LIMK2: variants seen among roughly 807,000 people sequenced by gnomAD.
LIMK2 encodes LIM domain kinase 2.
A neutral mutation model predicts 75.7 loss-of-function variants in LIMK2; 35 were observed. The ratio of observed to expected loss-of-function variants is 0.46; its 90% CI spans 0.35 to 0.61. LIMK2 has a LOEUF of 0.61. Among genes scored for constraint, LIMK2 ranks in the 20% least tolerant of loss-of-function variants. LIMK2 has a pLI of 0.00. For missense variants in LIMK2, 623 were observed against 831.0 expected, an observed-to-expected ratio of 0.75 and a Z score of 3.08; for synonymous variants, 301 against 319.2, an observed-to-expected ratio of 0.94 and a Z score of 0.61.
intron 1 of LIMK2, among the ~76,000 whole-genome samples, chr22:31,214,323 T>C (rs760845244): frequency 1.1e-4 from 16 of 152,336 alleles, no homozygotes; most frequent in Admixed American, 2.6e-4. Flanking sequence ...CTGAGTACAG[T>C]GGTGACATAG....
intron 2 of LIMK2, among the ~76,000 whole-genome samples, chr22:31,255,940 T>C (rs1180840420): frequency 7.0e-6 from 1 of 141,850 alleles, no homozygotes; most frequent in Non-Finnish European, 1.5e-5. Flanking sequence ...TCATCTTTAA[T>C]AGAAGTTAAC....
chr22:31,259,647 C>T (rs548432278), intron 4 of LIMK2, among the ~76,000 whole-genome samples: 1 of 152,248 alleles, frequency 6.6e-6, no homozygotes, highest in East Asian at 1.9e-4. Context: ...GACCATCTCA[C>T]CCCAACCCAG....
intron 2 of LIMK2, among the ~76,000 whole-genome samples, chr22:31,227,456 A>G (rs5997919): frequency 0.38 from 58,558 of 152,170 alleles, 13,041 homozygotes; most frequent in Middle Eastern, 0.56. Context: ...TTGGAAAGCA[A>G]CCATCATTAT....
At position 31,212,382 on chromosome 22, in the gene LIMK2, C is replaced by A; in HGVS notation, c.-27C>A. On this transcript the variant is annotated 5_prime_UTR_variant, in exon 1 of 16. Transcript: ENST00000331728. ...GGAGCTGCTGTGTCCCCCGCCTCCT[C>A]CTCCCCATTTCCGCGCTCCCGGGAC... is the stretch of plus-strand genomic sequence containing the variant. 1 of 1,338,228 alleles carries A rather than the reference C, an allele frequency of 7.5e-7. No individual in the cohort carries two copies. Among genetic ancestry groups the A allele is most frequent in the Non-Finnish European group, 9.7e-7 (1 of 1,034,684 alleles). 82.9% of individuals were successfully genotyped at this position (1,338,228 alleles called of 1,614,324 possible). A position where few individuals can be genotyped will look rare whatever the true frequency, so the allele number is the denominator to read the frequency against.
intron 2 of LIMK2, among the ~76,000 whole-genome samples, chr22:31,250,279 A>G (rs950003711): frequency 6.6e-6 from 1 of 152,186 alleles, no homozygotes; most frequent in Non-Finnish European, 1.5e-5. Context: ...AATCCTGGGA[A>G]GGCAGCTTAG....
rs769633153 is a variant in LIMK2 at position 31,272,721 on chromosome 22, T to C, written c.1558+17T>C. 4 of 1,571,384 alleles carry C rather than the reference T, an allele frequency of 2.5e-6. No individual in the cohort carries two copies. The highest frequency in any genetic ancestry group is 1.9e-5 in the Admixed American group (1 of 52,922). On this transcript the variant is annotated intron_variant, in intron 13 of 15. Transcript: ENST00000331728. ...TGCTGAACGGTGAGTCCTGAAGCCC[T>C]GGAGGGGACACCCGCAGAGGGAGGA...
At chr22:31,217,080 C>T (rs1040858907) in intron 1 of LIMK2, among the ~76,000 whole-genome samples, 1 of 151,832 alleles carries the variant, frequency 6.6e-6, no homozygotes, top group African/African-American at 2.4e-5. Context: ...TTGTTTTGTC[C>T]AGGAAAGAAA....
intron 9 of LIMK2, 83 bp from the exon 10 acceptor site, chr22:31,267,693 T>G (rs2048909925): frequency 1.4e-6 from 2 of 1,471,970 alleles, no homozygotes; most frequent in Non-Finnish European, 1.8e-6. Context: ...GTAACACTTG[T>G]CAAGCTGATT....
At chr22:31,231,447 T>C (rs1383410416) in intron 2 of LIMK2, among the ~76,000 whole-genome samples, 6 of 152,190 alleles carry the variant, frequency 3.9e-5, no homozygotes, top group Non-Finnish European at 8.8e-5. Context: ...TTTGTCCAGT[T>C]TATCTTTTAG....
At chr22:31,213,196 G>A (rs2048362258) in intron 1 of LIMK2, among the ~76,000 whole-genome samples, 1 of 152,184 alleles carries the variant, frequency 6.6e-6, no homozygotes, top group African/African-American at 2.4e-5. Context: ...CTGGAAGGAA[G>A]AGTTGTCTAA....
At chr22:31,241,701 AG>A (rs1344869071) in intron 2 of LIMK2, among the ~76,000 whole-genome samples, 2 of 152,202 alleles carry the variant, frequency 1.3e-5, no homozygotes, top group Non-Finnish European at 2.9e-5. Context: ...GGCCCATACC[AG>A]GTGTCCACAG....
Position 31,265,927 on chromosome 22 carries a change from C to A in LIMK2, c.855-19C>A. 1.9e-6 allele frequency: 3 copies of A among 1,612,210 alleles called. No homozygotes were observed. Among genetic ancestry groups the A allele is most frequent in the South Asian group, 1.1e-5 (1 of 91,006 alleles). ...TCTGAGGACTACACATCCCTACTCCCGTCTTTCCTCATCTTCAGGCGCAGT... is the reference window on the plus strand; with the variant it reads ...TCTGAGGACTACACATCCCTACTCCAGTCTTTCCTCATCTTCAGGCGCAGT... On this transcript the variant is annotated intron_variant, in intron 7 of 15. Coordinates refer to ENST00000331728, the MANE Select transcript of LIMK2 (RefSeq NM_005569.4).
intron 2 of LIMK2, among the ~76,000 whole-genome samples, chr22:31,258,076 C>T (rs1027609086): frequency 3.9e-5 from 6 of 152,172 alleles, no homozygotes; most frequent in African/African-American, 1.4e-4. Flanking sequence ...CTAGTCTGTC[C>T]ACTGAGGCAG....
intron 2 of LIMK2, among the ~76,000 whole-genome samples, chr22:31,241,813 C>T (rs2048626014): frequency 6.6e-6 from 1 of 152,166 alleles, no homozygotes; most frequent in Non-Finnish European, 1.5e-5. Context: ...CTTCAGTTTA[C>T]AGAGGGCTTT....
chr22:31,248,191 T>A (rs2084524429), intron 2 of LIMK2, among the ~76,000 whole-genome samples: 1 of 152,054 alleles, frequency 6.6e-6, no homozygotes. Context: ...TTGGTCCCAG[T>A]TATTGTCTGC....
In LIMK2 at chr22:31,258,428, T is replaced by A; in HGVS notation, c.252+2T>A. ...CTGCTGATGACAGGGCCTTTTATGG[T>A]GAGTGAATCCCTTCATATCTGCCCC... is the stretch of plus-strand genomic sequence containing the variant. On this transcript the variant is annotated splice_donor_variant, in intron 3 of 15. Coordinates refer to ENST00000331728, the MANE Select transcript of LIMK2 (RefSeq NM_005569.4). LOFTEE classifies it high-confidence loss of function. 6.2e-7 allele frequency: 1 copy of A among 1,614,032 alleles called. No individual in the cohort carries two copies. Among genetic ancestry groups the A allele is most frequent in the South Asian group, 1.1e-5 (1 of 91,068 alleles).
intron 2 of LIMK2, among the ~76,000 whole-genome samples, chr22:31,232,623 A>G (rs2048539225): frequency 1.3e-5 from 2 of 152,018 alleles, no homozygotes; most frequent in African/African-American, 4.8e-5. Context: ...TAGCTTATTT[A>G]TTTTTGAGAT....
intron 7 of LIMK2, among the ~76,000 whole-genome samples, chr22:31,263,990 CA>C (rs542111717): frequency 2.7e-5 from 4 of 146,516 alleles, no homozygotes; most frequent in East Asian, 2.0e-4. Context: ...ACCTTGTCTC[CA>C]AAAAAAAAAG....
intron 12 of LIMK2, 143 bp downstream of exon 12, chr22:31,271,344 A>G: frequency 1.4e-6 from 1 of 709,596 alleles, no homozygotes; most frequent in Non-Finnish European, 2.6e-6. Flanking sequence ...TGCTTCTTCC[A>G]ATGCCCTTCT....
Sources: gnomAD v4.1 joint callset for allele counts (sites outside exome capture counted in the v4.1 genomes callset) on GRCh38, gnomAD v4.1.1 for gene constraint, MANE v1.5 for transcripts, NCBI Gene and HGNC (gene_info 2026-07-23, HGNC 2026-07-21) for gene names.